Variants in KIF16B observed in about 807,000 individuals in gnomAD.
KIF16B encodes the protein kinesin family member 16B, also known as kinesin-like protein KIF16B.
A neutral mutation model predicts 156.3 loss-of-function variants in KIF16B; 98 were observed. The ratio of observed to expected loss-of-function variants is 0.63; its 90% CI spans 0.53 to 0.74. The LOEUF (loss-of-function observed/expected upper bound fraction) is 0.74. Among genes scored for constraint, KIF16B ranks in the 30% least tolerant of loss-of-function variants. The probability of loss-of-function intolerance (pLI) is 0.00; values close to 1 mark genes in which losing one functional copy is unlikely to be tolerated. For synonymous variants in KIF16B, 564 were observed against 583.7 expected, an observed-to-expected ratio of 0.97 and a Z score of 0.49; for missense variants, 1,421 against 1,606.5, an observed-to-expected ratio of 0.88 and a Z score of 1.97.
chr20:16,487,457 G>A (rs1433367041), intron 12 of KIF16B, among the ~76,000 whole-genome samples: 3 of 151,976 alleles, frequency 2.0e-5, no homozygotes, highest in Admixed American at 6.6e-5. Context: ...AGCTGCTTCC[G>A]AATCCATTAC....
chr20:16,313,536 G>A (rs2093004), intron 24 of KIF16B, among the ~76,000 whole-genome samples: 109,751 of 152,116 alleles, frequency 0.72, 40,510 homozygotes, highest in East Asian at 0.96. Flanking sequence ...GCATCAAGAA[G>A]CAGAACACTG....
At chr20:16,310,008 A>G (rs1412049256) in intron 25 of KIF16B, among the ~76,000 whole-genome samples, 1 of 152,270 alleles carries the variant, frequency 6.6e-6, no homozygotes, top group Non-Finnish European at 1.5e-5. Context: ...GTTGATTTTC[A>G]TATGAAAATA....
At position 16,374,349 on chromosome 20, in the gene KIF16B, T is replaced by C. The variant is rs751058054; in HGVS notation, c.3258A>G (p.Lys1086=). The C allele has an allele frequency of 3.7e-5, 60 of 1,606,304 alleles. No individual in the cohort carries two copies. The highest frequency in any genetic ancestry group is 4.8e-5 in the Non-Finnish European group (56 of 1,175,358). Residue 1086 remains lysine, a synonymous_variant, in exon 20 of 26, where the codon AAA becomes AAG. Transcript: ENST00000354981. The part of the protein sequence containing the change: ...QKIYEVDGVQ[K]DHHGTLEGKV... ...TCCCTTCCAGGGTCCCATGATGATC[T>C]TTTTGAACACCATCGACCTCATAAA...
chr20:16,474,823 CA>C (rs1568577225), intron 12 of KIF16B, among the ~76,000 whole-genome samples: 1 of 152,212 alleles, frequency 6.6e-6, no homozygotes, highest in African/African-American at 2.4e-5. Context: ...AAAACAGAGA[CA>C]ACTTCTAACT....
At chr20:16,422,592 G>A (rs1262179853) in intron 15 of KIF16B, among the ~76,000 whole-genome samples, 1 of 151,998 alleles carries the variant, frequency 6.6e-6, no homozygotes, top group African/African-American at 2.4e-5. Context: ...GGATGTTTGG[G>A]GGCTATTTGT....
chr20:16,479,223 G>T (rs1600503345), intron 12 of KIF16B, among the ~76,000 whole-genome samples: 1 of 152,202 alleles, frequency 6.6e-6, no homozygotes, highest in East Asian at 1.9e-4. Context: ...GATGGAGCTG[G>T]AAGCCATTAT....
chr20:16,480,084 T>C (rs908091131), intron 12 of KIF16B, among the ~76,000 whole-genome samples: 1 of 152,174 alleles, frequency 6.6e-6, no homozygotes, highest in Non-Finnish European at 1.5e-5. Flanking sequence ...TGGGTGTGCT[T>C]AGTTCCTGAA....
intron 3 of KIF16B, among the ~76,000 whole-genome samples, chr20:16,522,735 C>T (rs773354933): frequency 9.2e-5 from 14 of 152,180 alleles, no homozygotes; most frequent in Non-Finnish European, 1.5e-4. Context: ...TGCACTACAT[C>T]ACACTTACTC....
chr20:16,347,089 G>C (rs1051708938), intron 23 of KIF16B, among the ~76,000 whole-genome samples: 1 of 152,086 alleles, frequency 6.6e-6, no homozygotes, highest in African/African-American at 2.4e-5. Flanking sequence ...ATGCATTCAT[G>C]ATTCCTAACC....
chr20:16,391,106 T>G (rs1234760259), intron 17 of KIF16B, among the ~76,000 whole-genome samples: 2 of 151,708 alleles, frequency 1.3e-5, no homozygotes, highest in Admixed American at 6.6e-5. Flanking sequence ...TGGGGGAAGA[T>G]CCAGTGGAAG....
rs868454597 is a variant in KIF16B at position 16,272,975 on chromosome 20, T to C, written c.*278A>G. 9 of 348,314 alleles carry C rather than the reference T, an allele frequency of 2.6e-5. No homozygotes were observed. In the East Asian group the frequency reaches 4.6e-4, roughly 18 times the overall value. 21.6% of individuals were successfully genotyped at this position (348,314 alleles called of 1,614,324 possible). A position where few individuals can be genotyped will look rare whatever the true frequency, so the allele number is the denominator to read the frequency against. ...CTATCTTGCCACAGGGGACGAACTTTGCTGCGCAGTGAGAAGGAAGCACTG... is the reference window on the plus strand; with the variant it reads ...CTATCTTGCCACAGGGGACGAACTTCGCTGCGCAGTGAGAAGGAAGCACTG... On this transcript the variant is annotated 3_prime_UTR_variant, in exon 26 of 26. Transcript: ENST00000354981.
intron 17 of KIF16B, among the ~76,000 whole-genome samples, chr20:16,398,644 G>A (rs1374920619): frequency 2.0e-5 from 3 of 152,226 alleles, no homozygotes; most frequent in Non-Finnish European, 4.4e-5. Context: ...GGTAGTGATG[G>A]ACGACAAGAT....
chr20:16,297,925 C>T (rs962114837), intron 25 of KIF16B, among the ~76,000 whole-genome samples: 4 of 151,998 alleles, frequency 2.6e-5, no homozygotes, highest in African/African-American at 7.3e-5. Flanking sequence ...GCTCTTCCTG[C>T]CCCCAGGCTC....
At chr20:16,563,222 T>A (rs753057795) in intron 1 of KIF16B, among the ~76,000 whole-genome samples, 4 of 152,210 alleles carry the variant, frequency 2.6e-5, no homozygotes, top group African/African-American at 7.2e-5. Flanking sequence ...GAAGGCAAGC[T>A]TCCTGGCCCC....
chr20:16,548,615 C>T (rs2070506201), intron 1 of KIF16B, among the ~76,000 whole-genome samples: 2 of 152,190 alleles, frequency 1.3e-5, no homozygotes, highest in South Asian at 2.1e-4. Flanking sequence ...TGCCTAATGC[C>T]TAACTCCTGA....
intron 12 of KIF16B, among the ~76,000 whole-genome samples, chr20:16,431,375 G>C (rs1419276675): frequency 6.6e-6 from 1 of 152,114 alleles, no homozygotes. Flanking sequence ...CTCATCCCAT[G>C]CTCACTCACT....
At chr20:16,362,125 C>T (rs1396009580) in intron 22 of KIF16B, among the ~76,000 whole-genome samples, 2 of 152,112 alleles carry the variant, frequency 1.3e-5, no homozygotes, top group African/African-American at 4.8e-5. Context: ...GGATATTCTC[C>T]CTTCTATTAT....
At chr20:16,436,018 A>G (rs1206038110) in intron 12 of KIF16B, among the ~76,000 whole-genome samples, 1 of 152,088 alleles carries the variant, frequency 6.6e-6, no homozygotes, top group African/African-American at 2.4e-5. Context: ...GATTTCATCT[A>G]TATTGGGATC....
intron 17 of KIF16B, among the ~76,000 whole-genome samples, chr20:16,383,352 G>C (rs1004104957): frequency 6.6e-6 from 1 of 152,154 alleles, no homozygotes; most frequent in Non-Finnish European, 1.5e-5. Flanking sequence ...TGAACTCATG[G>C]CAGTCTGCTT....
Sources: allele counts gnomAD v4.1 joint callset (sites outside exome capture counted in the v4.1 genomes callset), GRCh38; gene constraint gnomAD v4.1.1; transcripts MANE v1.5; gene names NCBI Gene and HGNC (gene_info 2026-07-23, HGNC 2026-07-21).